The following SUMF1 variants were observed in gnomAD, a reference collection of about 807,000 sequenced individuals.
SUMF1 encodes formylglycine-generating enzyme.
In SUMF1, 48 loss-of-function variants were observed where a neutral mutation model predicts 47.6. The observed-to-expected ratio is 1.01, with a 90% CI of 0.80 to 1.28. SUMF1 has a LOEUF of 1.28. Among genes scored for constraint, SUMF1 ranks in the 50% most tolerant of loss-of-function variants. SUMF1 has a pLI of 0.00. For synonymous variants in SUMF1, 230 were observed against 192.1 expected, an observed-to-expected ratio of 1.20 and a Z score of -1.63; for missense variants, 571 against 485.4, an observed-to-expected ratio of 1.18 and a Z score of -1.66.
intron 7 of SUMF1, among the ~76,000 whole-genome samples, chr3:4,399,053 T>A (rs1306418108): frequency 6.6e-6 from 1 of 152,168 alleles, no homozygotes; most frequent in Admixed American, 6.5e-5. Context: ...CCACATCTTC[T>A]TTTTTGCATA....
chr3:4,238,242 G>A (rs148264823), intron 8 of SUMF1, among the ~76,000 whole-genome samples: 8 of 152,186 alleles, frequency 5.3e-5, no homozygotes, highest in African/African-American at 9.6e-5. Context: ...ATAAACATAC[G>A]TGTGCATGTG....
chr3:4,394,633 G>A (rs564091482), intron 7 of SUMF1, among the ~76,000 whole-genome samples: 15 of 152,236 alleles, frequency 9.9e-5, no homozygotes, highest in African/African-American at 2.6e-4. Context: ...TATGTTTCTC[G>A]TTAGGATGTG....
At chr3:4,195,511 A>T (rs112740765) in intron 8 of SUMF1, among the ~76,000 whole-genome samples, 1 of 152,188 alleles carries the variant, frequency 6.6e-6, no homozygotes, top group East Asian at 1.9e-4. Flanking sequence ...GCCGTTTAAC[A>T]AAAAGGAAAC....
At chr3:4,444,663 A>G (rs1220579732) in intron 3 of SUMF1, among the ~76,000 whole-genome samples, 1 of 152,188 alleles carries the variant, frequency 6.6e-6, no homozygotes, top group African/African-American at 2.4e-5. Flanking sequence ...CTTGAAAACC[A>G]GTATTCCTGC....
At chr3:4,419,064 AAC>A (rs1701809688) in intron 4 of SUMF1, among the ~76,000 whole-genome samples, 1 of 152,236 alleles carries the variant, frequency 6.6e-6, no homozygotes, top group Admixed American at 6.5e-5. Context: ...CAGCACAGAC[AAC>A]AGAGGTACTC....
intron 8 of SUMF1, among the ~76,000 whole-genome samples, chr3:4,328,347 G>A (rs557351006): frequency 1.2e-3 from 178 of 152,232 alleles, no homozygotes; most frequent in African/African-American, 3.4e-3. Flanking sequence ...ATAAGATAGC[G>A]TATTAGTCAG....
chr3:4,125,368 C>T (rs968014147), intron 8 of SUMF1, among the ~76,000 whole-genome samples: 1 of 146,624 alleles, frequency 6.8e-6, no homozygotes, highest in Admixed American at 7.0e-5. Flanking sequence ...TATGAAGTGA[C>T]AGAAAAAGCA....
At chr3:4,270,745 T>A (rs896269137) in intron 8 of SUMF1, among the ~76,000 whole-genome samples, 1 of 152,182 alleles carries the variant, frequency 6.6e-6, no homozygotes, top group Non-Finnish European at 1.5e-5. Context: ...GGATATTTCC[T>A]GGCTTTGCCA....
At chr3:4,210,547 G>T (rs1695757152) in intron 8 of SUMF1, among the ~76,000 whole-genome samples, 1 of 152,124 alleles carries the variant, frequency 6.6e-6, no homozygotes, top group Non-Finnish European at 1.5e-5. Context: ...CATAAATGGT[G>T]CTGGATCATT....
chr3:4,226,950 T>C (rs6775365), intron 8 of SUMF1, among the ~76,000 whole-genome samples: 56,593 of 151,902 alleles, frequency 0.37, 11,254 homozygotes, highest in Non-Finnish European at 0.45. Flanking sequence ...AAAACACAGA[T>C]TTCTGGGTCC....
chr3:4,391,329 G>A (rs1308542264), intron 7 of SUMF1, among the ~76,000 whole-genome samples: 1 of 151,834 alleles, frequency 6.6e-6, no homozygotes, highest in Non-Finnish European at 1.5e-5. Flanking sequence ...CATCAAATTT[G>A]GGAAATTTTC....
chr3:4,426,837 G>A (rs1189893789), intron 3 of SUMF1, among the ~76,000 whole-genome samples: 1 of 152,152 alleles, frequency 6.6e-6, no homozygotes, highest in Non-Finnish European at 1.5e-5. Flanking sequence ...GAGGAAAAAG[G>A]ACTTTAACAT....
chr3:4,246,730 GA>G (rs991233555), intron 8 of SUMF1, among the ~76,000 whole-genome samples: 2 of 152,132 alleles, frequency 1.3e-5, no homozygotes, highest in African/African-American at 4.8e-5. Context: ...TCTTTTAGTT[GA>G]AGATACTTCA....
intron 9 of SUMF1, among the ~76,000 whole-genome samples, chr3:4,042,527 G>A (rs1455684508): frequency 6.6e-6 from 1 of 152,148 alleles, no homozygotes; most frequent in Non-Finnish European, 1.5e-5. Flanking sequence ...GCAATTGCCT[G>A]TCCAATCTCA....
At chr3:4,402,834 A>T (rs191915307) in intron 7 of SUMF1, among the ~76,000 whole-genome samples, 203 of 152,350 alleles carry the variant, frequency 1.3e-3, no homozygotes, top group Admixed American at 2.9e-3. Flanking sequence ...TCATTTTGTA[A>T]AAAATAACTG....
chr3:4,230,294 CTGCCCTCATTTCAGA>C (rs1197888467), intron 8 of SUMF1, among the ~76,000 whole-genome samples: 2 of 152,112 alleles, frequency 1.3e-5, no homozygotes, highest in Non-Finnish European at 2.9e-5. Context: ...TCCCACAAGA[CTGCCCTCATTTCAGA>C]TGCCAATCAT....
At chr3:4,109,095 C>CA (rs1382761665) in intron 8 of SUMF1, among the ~76,000 whole-genome samples, 1 of 152,078 alleles carries the variant, frequency 6.6e-6, no homozygotes, top group East Asian at 1.9e-4. Context: ...GTGCTTCCTT[C>CA]AGGAGCTCTT....
intron 7 of SUMF1, among the ~76,000 whole-genome samples, chr3:4,387,139 C>T (rs906742700): frequency 2.6e-5 from 4 of 151,958 alleles, no homozygotes; most frequent in Non-Finnish European, 5.9e-5. Context: ...CCCTTCTTTT[C>T]ATTTTCTAAA....
chr3:4,318,831 C>A (rs1257036693), intron 8 of SUMF1, among the ~76,000 whole-genome samples: 1 of 151,724 alleles, frequency 6.6e-6, no homozygotes, highest in African/African-American at 2.4e-5. Flanking sequence ...TCATTTGAAC[C>A]TGGGGTGGAG....
Sources: allele counts gnomAD v4.1 joint callset (sites outside exome capture counted in the v4.1 genomes callset), GRCh38; gene constraint gnomAD v4.1.1; transcripts MANE v1.5; gene names NCBI Gene and HGNC (gene_info 2026-07-23, HGNC 2026-07-21).